Variants in GMPS observed in about 807,000 individuals in gnomAD.
GMPS encodes guanosine monophosphate synthase.
A neutral mutation model predicts 77.9 loss-of-function variants in GMPS; 15 were observed. That is an observed-to-expected ratio of 0.19 (90% CI 0.13 to 0.30). GMPS has a LOEUF of 0.30. Ranked by LOEUF, GMPS falls within the 10% of genes least tolerant of loss-of-function variation. The pLI is 1.00. For synonymous variants in GMPS, 224 were observed against 275.9 expected (o/e 0.81, Z 1.86); for missense variants, 590 against 838.8 (o/e 0.70, Z 3.66).
intron 2 of GMPS, 47 bp downstream of exon 2, chr3:155,893,746 T>C: frequency 9.9e-7 from 1 of 1,015,098 alleles, no homozygotes; most frequent in Non-Finnish European, 1.4e-6. Flanking sequence ...ACTTAGATTG[T>C]GGAATATTTT....
intron 7 of GMPS, among the ~76,000 whole-genome samples, chr3:155,912,272 G>A (rs77480354): frequency 0.016 from 2,509 of 152,236 alleles, 32 homozygotes; most frequent in Non-Finnish European, 0.028. Context: ...ATACCTTAAG[G>A]ATGTGGGATA....
intron 1 of GMPS, 85 bp downstream of exon 1, chr3:155,870,982 A>AC: frequency 8.1e-7 from 1 of 1,231,454 alleles, no homozygotes; most frequent in East Asian, 3.2e-5. Flanking sequence ...GCCCTTCCCC[A>AC]CCCCCTTCCC....
At chr3:155,885,551 AAC>A (rs1336668954) in intron 1 of GMPS, among the ~76,000 whole-genome samples, 1 of 152,202 alleles carries the variant, frequency 6.6e-6, no homozygotes, top group African/African-American at 2.4e-5. Context: ...CTCAGGTATA[AAC>A]ACAGTTTTCT....
intron 7 of GMPS, among the ~76,000 whole-genome samples, chr3:155,913,522 A>C (rs1225892401): frequency 9.7e-6 from 1 of 102,648 alleles, no homozygotes; most frequent in Non-Finnish European, 2.5e-5. Context: ...AATCAGCATA[A>C]ATTTTTTTTT....
chr3:155,914,390 A>G (rs945822619), intron 7 of GMPS, 29 bp from the exon 8 acceptor site: 2 of 1,489,558 alleles, frequency 1.3e-6, no homozygotes, highest in African/African-American at 2.9e-5. Context: ...TGTTATACCA[A>G]TTTAAAACGC....
At chr3:155,906,378 TC>T in intron 5 of GMPS, 115 bp downstream of exon 5, 1 of 562,078 alleles carries the variant, frequency 1.8e-6, no homozygotes, top group Non-Finnish European at 3.2e-6. Flanking sequence ...ATTTTTCTTC[TC>T]TTTTTTTTAA....
At chr3:155,883,814 A>G (rs1339440758) in intron 1 of GMPS, among the ~76,000 whole-genome samples, 1 of 152,210 alleles carries the variant, frequency 6.6e-6, no homozygotes, top group African/African-American at 2.4e-5. Flanking sequence ...TAACAGAACA[A>G]CTAATCAGAC....
intron 1 of GMPS, among the ~76,000 whole-genome samples, chr3:155,883,525 GTC>G (rs1166089327): frequency 6.6e-6 from 1 of 152,088 alleles, no homozygotes; most frequent in African/African-American, 2.4e-5. Flanking sequence ...CATAAAAACT[GTC>G]TCGTATTTTA....
chr3:155,911,965 G>A (rs1423210824), intron 7 of GMPS, among the ~76,000 whole-genome samples: 1 of 152,058 alleles, frequency 6.6e-6, no homozygotes, highest in East Asian at 1.9e-4. Flanking sequence ...CTTATTGTGG[G>A]AGAGGTAAAG....
At chr3:155,906,404 G>T in intron 5 of GMPS, 141 bp downstream of exon 5, 1 of 530,546 alleles carries the variant, frequency 1.9e-6, no homozygotes, top group Non-Finnish European at 3.3e-6. Context: ...AATAATGAAT[G>T]TAGGATTAAC....
At position 155,926,115 on chromosome 3, in the gene GMPS, G is replaced by A. The variant is rs80181657; in HGVS notation, c.1560+749G>A. 1.2e-3 allele frequency among the ~76,000 whole-genome samples: 187 copies of A among 152,198 alleles called. 1 individual carries two copies. The highest frequency in any genetic ancestry group is 4.2e-3 in the African/African-American group (175 of 41,546). On this transcript the variant is annotated intron_variant, in intron 12 of 15. Coordinates refer to ENST00000496455, the MANE Select transcript of GMPS (RefSeq NM_003875.3). ...TAGCCCTGAATTCCTGGGTTCAAGC[G>A]ACCCTACTACCTCAGCTTCCCAAGT...
At chr3:155,884,667 G>A (rs10804773) in intron 1 of GMPS, among the ~76,000 whole-genome samples, 60,378 of 151,958 alleles carry the variant, frequency 0.4, 14,478 homozygotes, top group Non-Finnish European at 0.52. Flanking sequence ...AAAGATAATA[G>A]AGAATTGTTC....
At chr3:155,913,034 A>G (rs1368895831) in intron 7 of GMPS, among the ~76,000 whole-genome samples, 3 of 152,232 alleles carry the variant, frequency 2.0e-5, no homozygotes, top group Non-Finnish European at 2.9e-5. Flanking sequence ...TACTAATACC[A>G]GGCATAGTTG....
At chr3:155,915,018 T>C (rs1560047522) in intron 8 of GMPS, among the ~76,000 whole-genome samples, 1 of 152,136 alleles carries the variant, frequency 6.6e-6, no homozygotes, top group Non-Finnish European at 1.5e-5. Context: ...TCCGCCCGCC[T>C]CAGCCTCCCG....
At chr3:155,904,712 T>A (rs1361612652) in intron 4 of GMPS, among the ~76,000 whole-genome samples, 1 of 152,246 alleles carries the variant, frequency 6.6e-6, no homozygotes, top group Non-Finnish European at 1.5e-5. Flanking sequence ...AGCTTCATAA[T>A]GGAGAGGTGT....
intron 12 of GMPS, among the ~76,000 whole-genome samples, chr3:155,925,593 T>G (rs958296068): frequency 6.6e-6 from 1 of 152,132 alleles, no homozygotes; most frequent in African/African-American, 2.4e-5. Flanking sequence ...AATAAGGTAA[T>G]TTTTTATAGA....
intron 1 of GMPS, among the ~76,000 whole-genome samples, chr3:155,890,056 G>C (rs6441025): frequency 6.6e-6 from 1 of 152,138 alleles, no homozygotes; most frequent in Admixed American, 6.5e-5. Context: ...GCAAATAAAT[G>C]CCAGGTTTTG....
rs562278418 is a variant in GMPS at position 155,939,046 on chromosome 3, C to T, written c.*1354C>T. 12 of 217,914 alleles carry T rather than the reference C, an allele frequency of 5.5e-5. No homozygotes were observed. The Admixed American group carries it at 6.4e-4, about 12-fold the overall frequency. The allele number at this position is 217,914 out of a possible 1,614,324, so 13.5% of individuals were successfully genotyped here. A position where few individuals can be genotyped will look rare whatever the true frequency, so the allele number is the denominator to read the frequency against. On this transcript the variant is annotated 3_prime_UTR_variant, in exon 16 of 16. Transcript: ENST00000496455. ...GTGTTAGACAAACAACAAAATGATG[C>T]GTGGCAGAAGTCATCTTTTTATTCT...
intron 11 of GMPS, among the ~76,000 whole-genome samples, chr3:155,923,464 G>C (rs1307357976): frequency 6.6e-6 from 1 of 152,036 alleles, no homozygotes; most frequent in Non-Finnish European, 1.5e-5. Flanking sequence ...GCAGAATAAA[G>C]GGAAAGAATT....
Sources: allele counts gnomAD v4.1 joint callset (sites outside exome capture counted in the v4.1 genomes callset), GRCh38; gene constraint gnomAD v4.1.1; transcripts MANE v1.5; gene names NCBI Gene and HGNC (gene_info 2026-07-23, HGNC 2026-07-21).